The following ROBO1 variants were observed in gnomAD, a reference collection of about 807,000 sequenced individuals.
ROBO1 encodes roundabout guidance receptor 1.
ROBO1 carries 149 observed loss-of-function variants against 195.9 expected under a neutral mutation model. The ratio of observed to expected loss-of-function variants is 0.76; its 90% confidence interval spans 0.67 to 0.87. The LOEUF (loss-of-function observed/expected upper bound fraction) is 0.87. ROBO1 is among the 40% of genes least tolerant of loss of function. The pLI is 0.00. For missense variants in ROBO1, 1,933 were observed against 2,068.3 expected (o/e 0.93, Z 1.27); for synonymous variants, 816 against 733.2 (o/e 1.11, Z -1.82).
chr3:79,614,663 T>A (rs1944764244), intron 1 of ROBO1, among the ~76,000 whole-genome samples: 1 of 152,082 alleles, frequency 6.6e-6, no homozygotes, highest in Admixed American at 6.6e-5. Context: ...AAATGTAAGA[T>A]TTCTGTGCTG....
chr3:78,920,891 G>A (rs1389603562), intron 4 of ROBO1, among the ~76,000 whole-genome samples: 1 of 151,530 alleles, frequency 6.6e-6, no homozygotes, highest in Non-Finnish European at 1.5e-5. Context: ...GTTTTCCCCA[G>A]AGTGGGCTCC....
intron 2 of ROBO1, among the ~76,000 whole-genome samples, chr3:79,280,284 C>T (rs1387911512): frequency 6.6e-6 from 1 of 152,056 alleles, no homozygotes; most frequent in Non-Finnish European, 1.5e-5. Flanking sequence ...GATGGATATG[C>T]TACTCTAATT....
intron 2 of ROBO1, among the ~76,000 whole-genome samples, chr3:79,172,971 T>A (rs990223738): frequency 6.6e-6 from 1 of 152,194 alleles, no homozygotes; most frequent in African/African-American, 2.4e-5. Flanking sequence ...TTTTTAAGCA[T>A]CTTTTAAACT....
At position 78,651,793 on chromosome 3, in the gene ROBO1, C is replaced by T; in HGVS notation, c.2751G>A (p.Trp917Ter). The T allele has an allele frequency of 6.2e-7, 1 of 1,613,536 alleles. No homozygotes were observed. The highest frequency in any genetic ancestry group is 8.5e-7 in the Non-Finnish European group (1 of 1,179,640). ...CWIILMVFSI[W>*]LYRHRKKRNG... ...TTCTCTTCTTGCGGTGTCGATAAAG[C>T]CAGATGCTGAAGACCATGAGGATGA... Residue 917 changes from tryptophan to a stop codon, truncating the protein, a stop_gained, in exon 19 of 31, where the codon TGG (tryptophan) becomes TGA (stop). Transcript: ENST00000464233. LOFTEE classifies it high-confidence loss of function.
chr3:79,031,667 C>T (rs1181049076), intron 3 of ROBO1, among the ~76,000 whole-genome samples: 2 of 152,096 alleles, frequency 1.3e-5, no homozygotes, highest in Non-Finnish European at 2.9e-5. Context: ...AGGATTGAAA[C>T]AAGTAATACA....
rs145601965 is a variant in ROBO1, at chr3:78,925,915, G to A, written c.499+12686C>T. On this transcript the variant is annotated intron_variant, in intron 4 of 30. Coordinates refer to ENST00000464233, the MANE Select transcript of ROBO1 (RefSeq NM_002941.4). ...AGACAGAGTATCGCTCTGTTGCCCA[G>A]GCTGGAGTACAATGGCGCCATCTCA... Among the ~76,000 whole-genome samples, 8 of 151,982 alleles carry A rather than the reference G, an allele frequency of 5.3e-5. No homozygotes were observed. In the East Asian group the frequency reaches 1.6e-3, roughly 30 times the overall value.
intron 2 of ROBO1, among the ~76,000 whole-genome samples, chr3:79,368,170 T>A (rs536145732): frequency 1.4e-4 from 22 of 152,224 alleles, no homozygotes; most frequent in Admixed American, 1.3e-3. Flanking sequence ...TGGCCTCAAA[T>A]GATCCGCTCA....
At chr3:78,715,939 T>C (rs2081892053) in intron 7 of ROBO1, among the ~76,000 whole-genome samples, 1 of 152,220 alleles carries the variant, frequency 6.6e-6, no homozygotes, top group Non-Finnish European at 1.5e-5. Context: ...AAGCCCCTCT[T>C]AGTTTCAACC....
At chr3:78,722,239 T>C (rs182457784) in intron 5 of ROBO1, among the ~76,000 whole-genome samples, 3 of 152,278 alleles carry the variant, frequency 2.0e-5, no homozygotes, top group East Asian at 1.9e-4. Flanking sequence ...AGCCATCTTT[T>C]ACAACTAAAT....
intron 1 of ROBO1, among the ~76,000 whole-genome samples, chr3:79,704,779 G>C (rs918597419): frequency 1.3e-5 from 2 of 151,902 alleles, no homozygotes; most frequent in African/African-American, 4.8e-5. Context: ...TTCGCAAGTG[G>C]CTACATCATT....
chr3:79,126,588 T>C (rs538862373), intron 2 of ROBO1, among the ~76,000 whole-genome samples: 330 of 152,270 alleles, frequency 2.2e-3, no homozygotes, highest in African/African-American at 7.7e-3. Flanking sequence ...ACCTCCTAAA[T>C]CGAATAATGT....
chr3:78,854,002 C>G (rs937478165), intron 4 of ROBO1, among the ~76,000 whole-genome samples: 1 of 152,070 alleles, frequency 6.6e-6, no homozygotes, highest in Non-Finnish European at 1.5e-5. Context: ...ATGGGAGCTA[C>G]AATTCAAGAT....
intron 3 of ROBO1, among the ~76,000 whole-genome samples, chr3:78,954,065 G>A (rs944229230): frequency 6.6e-6 from 1 of 151,720 alleles, no homozygotes; most frequent in African/African-American, 2.4e-5. Flanking sequence ...TTTAAGTTGA[G>A]CATTCAACTT....
At chr3:79,395,321 CAAAAAA>C (rs71631647) in intron 2 of ROBO1, among the ~76,000 whole-genome samples, 1,869 of 50,104 alleles carry the variant, frequency 0.037, 41 homozygotes, top group African/African-American at 0.1. Flanking sequence ...GACTCCGTCT[CAAAAAA>C]AAAAAAAAAA....
At chr3:78,809,019 CT>C (rs2084641449) in intron 4 of ROBO1, among the ~76,000 whole-genome samples, 2 of 152,114 alleles carry the variant, frequency 1.3e-5, no homozygotes, top group African/African-American at 4.8e-5. Flanking sequence ...AACTAAAGAG[CT>C]TCTGCACAGT....
intron 2 of ROBO1, among the ~76,000 whole-genome samples, chr3:79,558,566 G>C (rs1942796349): frequency 6.6e-6 from 1 of 152,108 alleles, no homozygotes; most frequent in Non-Finnish European, 1.5e-5. Flanking sequence ...AGAGTGGTCA[G>C]CACTCTTTTT....
intron 2 of ROBO1, among the ~76,000 whole-genome samples, chr3:79,205,079 A>G (rs1401426032): frequency 1.3e-5 from 2 of 151,510 alleles, no homozygotes; most frequent in Admixed American, 6.6e-5. Context: ...AGCAACCTCT[A>G]CCTCCCAGGT....
chr3:79,593,289 T>C (rs1395340740), intron 1 of ROBO1, among the ~76,000 whole-genome samples: 2 of 152,084 alleles, frequency 1.3e-5, no homozygotes, highest in African/African-American at 4.8e-5. Flanking sequence ...GTGTGGTTGT[T>C]CAATTATATG....
intron 2 of ROBO1, among the ~76,000 whole-genome samples, chr3:79,353,758 T>C (rs2035434366): frequency 6.6e-6 from 1 of 152,110 alleles, no homozygotes. Flanking sequence ...TAAGAAGTTA[T>C]TGCAGGCCAG....
Sources: gnomAD v4.1 joint callset for allele counts (sites outside exome capture counted in the v4.1 genomes callset) on GRCh38, gnomAD v4.1.1 for gene constraint, MANE v1.5 for transcripts, NCBI Gene and HGNC (gene_info 2026-07-23, HGNC 2026-07-21) for gene names.